Variants in CLXN observed in about 807,000 individuals in gnomAD.
CLXN encodes the protein calaxin.
At chr8:48,724,829 T>A in the CLXN span, 2 of 1,598,842 alleles carry the variant, frequency 1.3e-6, no homozygotes, top group African/African-American at 1.3e-5. Flanking sequence ...CAATTTAGTA[T>A]AAATTTCCAA....
chr8:48,722,179 G>GA, the CLXN span, among the ~76,000 whole-genome samples: 1 of 152,130 alleles, frequency 6.6e-6, no homozygotes, highest in South Asian at 2.1e-4. Flanking sequence ...TAATAGCAAT[G>GA]ATCAACAGGT....
the CLXN span, chr8:48,730,262 A>T: frequency 3.0e-6 from 1 of 337,648 alleles, no homozygotes; most frequent in South Asian, 7.9e-5. Context: ...TGCTTAACAT[A>T]TAAATGTATA....
the CLXN span, among the ~76,000 whole-genome samples, chr8:48,726,484 TCATCCATCCATCCATC>T: frequency 9.5e-6 from 1 of 105,218 alleles, no homozygotes; most frequent in Admixed American, 9.3e-5. Flanking sequence ...ATCCATCCAT[TCATCCATCCATCCATC>T]CATCCATCCA....
chr8:48,729,715 T>G, the CLXN span: 3 of 1,598,834 alleles, frequency 1.9e-6, no homozygotes, highest in Non-Finnish European at 2.6e-6. Flanking sequence ...ATTACCCATA[T>G]TTACCATTTT....
the CLXN span, among the ~76,000 whole-genome samples, chr8:48,719,813 C>A: frequency 6.6e-6 from 1 of 152,162 alleles, no homozygotes; most frequent in Non-Finnish European, 1.5e-5. Flanking sequence ...CTAACATCAT[C>A]ATTAAAATAA....
At chr8:48,732,901 T>C in the CLXN span, among the ~76,000 whole-genome samples, 1 of 152,064 alleles carries the variant, frequency 6.6e-6, no homozygotes, top group African/African-American at 2.4e-5. Flanking sequence ...CTTAGTCAGA[T>C]TTATAGAGAC....
chr8:48,728,724 T>TC, the CLXN span, among the ~76,000 whole-genome samples: 1 of 152,254 alleles, frequency 6.6e-6, no homozygotes. Flanking sequence ...ATAATATGTA[T>TC]CATACTCTTG....
At chr8:48,731,182 A>G in the CLXN span, among the ~76,000 whole-genome samples, 1 of 152,212 alleles carries the variant, frequency 6.6e-6, no homozygotes, top group Non-Finnish European at 1.5e-5. Flanking sequence ...AATAAAGCCA[A>G]TATTACCTCC....
the CLXN span, among the ~76,000 whole-genome samples, chr8:48,727,074 C>A: frequency 6.8e-6 from 1 of 147,626 alleles, no homozygotes; most frequent in Non-Finnish European, 1.5e-5. Flanking sequence ...TACCCACTCA[C>A]CTCAACTATC....
chr8:48,722,848 A>G, the CLXN span, among the ~76,000 whole-genome samples: 1 of 152,144 alleles, frequency 6.6e-6, no homozygotes, highest in Non-Finnish European at 1.5e-5. Flanking sequence ...AACAACATGG[A>G]TGAACCTGGA....
chr8:48,716,122 G>A, the CLXN span: 42 of 152,414 alleles, frequency 2.8e-4, no homozygotes, highest in African/African-American at 7.2e-4. Context: ...GCCCTGCCCC[G>A]TGGGGAGGCA....
chr8:48,724,703 C>CT, the CLXN span: 1 of 1,527,846 alleles, frequency 6.5e-7, no homozygotes, highest in Non-Finnish European at 8.9e-7. Flanking sequence ...TGTGTGCCTC[C>CT]TTTTTTACTC....
At chr8:48,716,578 A>G in the CLXN span, 2 of 152,256 alleles carry the variant, frequency 1.3e-5, no homozygotes, top group African/African-American at 4.8e-5. Flanking sequence ...GGAAAACAAC[A>G]CGTGAACAAA....
the CLXN span, among the ~76,000 whole-genome samples, chr8:48,726,791 A>C: frequency 5.0e-5 from 6 of 119,312 alleles, no homozygotes; most frequent in East Asian, 2.8e-4. Flanking sequence ...CTCACCCATC[A>C]ACCCAGTTCA....
chr8:48,729,163 CAT>C, the CLXN span: 1 of 1,576,544 alleles, frequency 6.3e-7, no homozygotes, highest in Non-Finnish European at 8.6e-7. Flanking sequence ...GAATGAGAAA[CAT>C]GTTAGGCAAC....
the CLXN span, among the ~76,000 whole-genome samples, chr8:48,720,112 G>A: frequency 6.6e-6 from 1 of 152,182 alleles, no homozygotes; most frequent in African/African-American, 2.4e-5. Flanking sequence ...AGCTGAAGAT[G>A]TACGTCACCT....
chr8:48,723,615 GC>G, the CLXN span: 1 of 152,262 alleles, frequency 6.6e-6, no homozygotes, highest in Non-Finnish European at 1.5e-5. Flanking sequence ...AAGGCAGAAA[GC>G]AGCTCACCCA....
At chr8:48,730,632 A>G in the CLXN span, 2 of 1,607,608 alleles carry the variant, frequency 1.2e-6, no homozygotes, top group Non-Finnish European at 1.7e-6. Flanking sequence ...ATCTTTATCA[A>G]AACCTCGGAA....
the CLXN span, among the ~76,000 whole-genome samples, chr8:48,718,201 AAAGAAGTATT>A: frequency 6.6e-6 from 1 of 152,198 alleles, no homozygotes; most frequent in Non-Finnish European, 1.5e-5. Context: ...ATATCAGATA[AAAGAAGTATT>A]AAGTAAAAAA....
Sources: gnomAD v4.1 joint callset for allele counts (sites outside exome capture counted in the v4.1 genomes callset) on GRCh38, gnomAD v4.1.1 for gene constraint, MANE v1.5 for transcripts, NCBI Gene and HGNC (gene_info 2026-07-23, HGNC 2026-07-21) for gene names.